The following CCDC171 variants were observed in gnomAD, a reference collection of about 807,000 sequenced individuals.
CCDC171 encodes the protein coiled-coil domain containing 171, also known as coiled-coil domain-containing protein 171.
In CCDC171, 177 loss-of-function variants were observed where a neutral mutation model predicts 168.2. The observed-to-expected ratio is 1.05, with a 90% confidence interval of 0.93 to 1.19. The LOEUF is 1.19. Ranked by LOEUF, CCDC171 falls within the 50% of genes most tolerant of loss-of-function variation. The pLI, the probability that CCDC171 is intolerant of heterozygous loss-of-function variation, is 0.00. For missense variants in CCDC171, 1,991 were observed against 1,539.0 expected, an observed-to-expected ratio of 1.29 and a Z score of -4.91; for synonymous variants, 687 against 540.8, an observed-to-expected ratio of 1.27 and a Z score of -3.75.
rs79919960 is a variant in CCDC171, at chr9:15,744,644, T to C, written c.2421T>C (p.Ala807=). 2 of 1,614,208 alleles carry C rather than the reference T, an allele frequency of 1.2e-6. No individual in the cohort carries two copies. The highest frequency in any genetic ancestry group is 3.3e-5 in the Admixed American group (2 of 60,024). ...GTATATTTCGGAAAGGTGTTATTGC[T>C]GTTTTGGCAGCAAACAGACTCAAGA... ...LIRIFRKGVI[A]VLAANRLKIL... is the part of the protein sequence containing the mutation. Residue 807 remains alanine, a synonymous_variant, in exon 17 of 26, where the codon GCT becomes GCC. Transcript: ENST00000380701.
chr9:16,027,324 G>A (rs999141762), intron 6 of CCDC171, among the ~76,000 whole-genome samples: 1 of 152,058 alleles, frequency 6.6e-6, no homozygotes, highest in African/African-American at 2.4e-5. Context: ...GAGAGAGAAA[G>A]AGACTGACTG....
intron 5 of CCDC171, among the ~76,000 whole-genome samples, 172 bp from the exon 6 acceptor site, chr9:15,593,869 T>C (rs1156333260): frequency 6.6e-6 from 1 of 151,984 alleles, no homozygotes; most frequent in Non-Finnish European, 1.5e-5. Context: ...ACATAGTTTC[T>C]CAGATCTACA....
At chr9:15,742,821 T>A (rs746807638) in intron 16 of CCDC171, among the ~76,000 whole-genome samples, 1 of 151,662 alleles carries the variant, frequency 6.6e-6, no homozygotes, top group Non-Finnish European at 1.5e-5. Flanking sequence ...TCTTTTTTAA[T>A]AGAAACAGGG....
At chr9:15,776,922 A>T (rs1294041287) in intron 18 of CCDC171, among the ~76,000 whole-genome samples, 1 of 152,234 alleles carries the variant, frequency 6.6e-6, no homozygotes, top group Non-Finnish European at 1.5e-5. Flanking sequence ...TAAGACAAGT[A>T]ATGACAGATT....
the CCDC171 span, among the ~76,000 whole-genome samples, chr9:16,084,124 G>A: frequency 6.6e-6 from 1 of 152,180 alleles, no homozygotes; most frequent in Non-Finnish European, 1.5e-5. Context: ...AGCTATTAAC[G>A]TTTGAAATCT....
intron 24 of CCDC171, among the ~76,000 whole-genome samples, chr9:15,887,071 T>C (rs988486260): frequency 3.3e-5 from 5 of 152,200 alleles, no homozygotes; most frequent in East Asian, 3.9e-4. Context: ...ATATAATGCA[T>C]TGTGTACTTG....
intron 6 of CCDC171, among the ~76,000 whole-genome samples, chr9:16,032,881 TG>T (rs1833388725): frequency 1.3e-5 from 2 of 152,158 alleles, no homozygotes; most frequent in African/African-American, 4.8e-5. Flanking sequence ...CAGGGACAAA[TG>T]CACAGGCTCT....
chr9:15,981,737 C>T (rs1317286021), intron 3 of CCDC171, among the ~76,000 whole-genome samples: 1 of 152,146 alleles, frequency 6.6e-6, no homozygotes, highest in Non-Finnish European at 1.5e-5. Context: ...TTTTCCATAA[C>T]CCTCTCCCTT....
intron 9 of CCDC171, among the ~76,000 whole-genome samples, chr9:15,666,902 T>C (rs996650211): frequency 1.3e-5 from 2 of 152,214 alleles, no homozygotes; most frequent in East Asian, 1.9e-4. Context: ...CTACTACTAA[T>C]AGTGGCCAAC....
chr9:15,936,327 C>T (rs1054086039), intron 25 of CCDC171, among the ~76,000 whole-genome samples: 7 of 151,854 alleles, frequency 4.6e-5, no homozygotes. Flanking sequence ...AAAATTTTTT[C>T]CTGAACTTAA....
intron 7 of CCDC171, among the ~76,000 whole-genome samples, chr9:15,628,732 T>G (rs955460309): frequency 3.3e-5 from 5 of 152,190 alleles, no homozygotes; most frequent in Non-Finnish European, 7.3e-5. Flanking sequence ...CCTCCTCAAG[T>G]GGGTCCCTGA....
chr9:15,765,223 TAA>T (rs1421778101), intron 18 of CCDC171, among the ~76,000 whole-genome samples: 5 of 152,140 alleles, frequency 3.3e-5, no homozygotes, highest in Admixed American at 1.3e-4. Context: ...TGAGTTCTGT[TAA>T]AGACAGTTTT....
intron 3 of CCDC171, among the ~76,000 whole-genome samples, chr9:15,571,976 A>G (rs2040260511): frequency 2.6e-5 from 4 of 152,200 alleles, no homozygotes; most frequent in Admixed American, 2.6e-4. Context: ...ATGTTATCTT[A>G]GATTTATTTT....
intron 21 of CCDC171, among the ~76,000 whole-genome samples, chr9:15,789,026 C>G (rs1345034036): frequency 6.6e-6 from 1 of 151,866 alleles, no homozygotes; most frequent in Non-Finnish European, 1.5e-5. Context: ...AAAAATAAAA[C>G]AAATGACAAT....
intron 6 of CCDC171, among the ~76,000 whole-genome samples, chr9:16,025,066 T>G (rs917994405): frequency 2.0e-5 from 3 of 152,228 alleles, no homozygotes; most frequent in African/African-American, 7.2e-5. Context: ...CTCAGTAAGT[T>G]AAACGTAGAA....
chr9:15,967,019 G>A (rs1013556011), intron 25 of CCDC171, among the ~76,000 whole-genome samples: 1 of 152,092 alleles, frequency 6.6e-6, no homozygotes, highest in Non-Finnish European at 1.5e-5. Flanking sequence ...ATAAAATAGA[G>A]TATTCCACAA....
rs769755121 is a variant in CCDC171, at chr9:15,846,741, C to A, written c.3307C>A (p.Gln1103Lys). 6.2e-7 allele frequency: 1 copy of A among 1,612,954 alleles called. No homozygotes were observed. The highest frequency in any genetic ancestry group is 1.7e-5 in the Admixed American group (1 of 59,846). The change falls in exon 22 of 26, where the codon CAA (glutamine) becomes AAA (lysine). Residue 1103 changes from glutamine (Q) to lysine (K), a missense_variant. By Grantham distance (53) the Gln-to-Lys change is moderately conservative. Coordinates refer to ENST00000380701, the MANE Select transcript of CCDC171 (RefSeq NM_173550.4). ...EAKMELRRKD[Q>K]SLRQLNRHLT... Reference sequence around the variant, plus strand: ...AAAGATGGAGCTGAGAAGAAAAGATCAATCTCTGCGTCAGCTCAATAGACA... The same window carrying A: ...AAAGATGGAGCTGAGAAGAAAAGATAAATCTCTGCGTCAGCTCAATAGACA...
chr9:16,064,986 C>T (rs183139481), downstream of CCDC171, among the ~76,000 whole-genome samples: 13 of 152,214 alleles, frequency 8.5e-5, no homozygotes, highest in East Asian at 2.5e-3. Context: ...CTGAGGCATC[C>T]CTTAAGTGCA....
At chr9:16,028,270 G>A (rs189107073) in intron 6 of CCDC171, among the ~76,000 whole-genome samples, 133 of 152,314 alleles carry the variant, frequency 8.7e-4, no homozygotes, top group African/African-American at 3.0e-3. Flanking sequence ...TGGGTGGCAT[G>A]ACCACAGTGT....
Sources: allele counts gnomAD v4.1 joint callset (sites outside exome capture counted in the v4.1 genomes callset), GRCh38; gene constraint gnomAD v4.1.1; transcripts MANE v1.5; gene names NCBI Gene and HGNC (gene_info 2026-07-23, HGNC 2026-07-21).